SPATA13: variants seen among roughly 807,000 people sequenced by gnomAD.
The protein encoded by SPATA13 is spermatogenesis associated 13, also known as spermatogenesis-associated protein 13.
Under a neutral mutation model 104.0 loss-of-function variants are expected in SPATA13, and 50 were observed. The ratio of observed to expected loss-of-function variants is 0.48; its 90% CI spans 0.38 to 0.61. The LOEUF is 0.61. SPATA13 is among the 20% of genes least tolerant of loss of function. SPATA13 has a pLI of 0.00. For synonymous variants in SPATA13, 606 were observed against 667.5 expected, an observed-to-expected ratio of 0.91 and a Z score of 1.42; for missense variants, 1,524 against 1,690.6, an observed-to-expected ratio of 0.90 and a Z score of 1.73.
At chr13:24,044,233 C>CTTT (rs67709070) in intron 3 of SPATA13, among the ~76,000 whole-genome samples, 12 of 123,002 alleles carry the variant, frequency 9.8e-5, no homozygotes, top group South Asian at 2.6e-4. Context: ...TTCTTTCTTT[C>CTTT]TTTTTTTTTT....
intron 3 of SPATA13, among the ~76,000 whole-genome samples, chr13:24,038,740 A>T (rs1566081724): frequency 6.6e-6 from 1 of 152,144 alleles, no homozygotes. Flanking sequence ...CATTTGGCCC[A>T]TGGGCTGGAG....
intron 3 of SPATA13, among the ~76,000 whole-genome samples, chr13:24,071,048 G>A (rs1475288277): frequency 6.6e-6 from 1 of 152,178 alleles, no homozygotes; most frequent in Non-Finnish European, 1.5e-5. Flanking sequence ...TGTTGGTTTT[G>A]TTTCCCTGGA....
Position 24,201,118 on chromosome 13 carries a change from G to T in SPATA13, c.-111-21701G>T, listed in dbSNP as rs1375524709. ...TTTTGAATCTGGACATTGTAATGGT[G>T]TTATTTGTTCCCTTGCCTTAGTGAG... On this transcript the variant is annotated intron_variant, in intron 1 of 12. Coordinates refer to ENST00000382108, the MANE Select transcript of SPATA13 (RefSeq NM_001166271.3). 2.0e-5 allele frequency among the ~76,000 whole-genome samples: 3 copies of T among 151,128 alleles called. No individual in the cohort carries two copies. In the Admixed American group the frequency reaches 2.0e-4, roughly 10 times the overall value.
At chr13:24,032,274 T>C (rs1877510587) in intron 3 of SPATA13, among the ~76,000 whole-genome samples, 1 of 152,186 alleles carries the variant, frequency 6.6e-6, no homozygotes, top group South Asian at 2.1e-4. Context: ...GCCCATGCTG[T>C]ATTCAACACT....
intron 1 of SPATA13, among the ~76,000 whole-genome samples, chr13:24,188,215 C>T (rs1869281438): frequency 6.6e-6 from 1 of 152,036 alleles, no homozygotes; most frequent in South Asian, 2.1e-4. Context: ...GCAACATGCA[C>T]CTGTAGTCCC....
intron 3 of SPATA13, among the ~76,000 whole-genome samples, chr13:24,251,284 G>C (rs7318566): frequency 0.42 from 63,268 of 152,128 alleles, 15,598 homozygotes; most frequent in East Asian, 0.64. Flanking sequence ...GCTGAAGAAG[G>C]ATGTGAGGAT....
intron 4 of SPATA13, among the ~76,000 whole-genome samples, chr13:24,274,711 T>A (rs895347581): frequency 2.6e-5 from 4 of 152,218 alleles, no homozygotes; most frequent in Admixed American, 2.6e-4. Flanking sequence ...TCTGAGGAAG[T>A]CTGAGCCATC....
chr13:24,120,620 GTAT>G (rs1881003651), intron 3 of SPATA13, among the ~76,000 whole-genome samples: 1 of 152,164 alleles, frequency 6.6e-6, no homozygotes, highest in South Asian at 2.1e-4. Flanking sequence ...GGGGACAGTA[GTAT>G]TATCCAGTTC....
intron 2 of SPATA13, among the ~76,000 whole-genome samples, chr13:23,985,248 C>T (rs891401676): frequency 1.8e-4 from 27 of 152,220 alleles, no homozygotes; most frequent in Admixed American, 5.2e-4. Context: ...TCCCTGTATA[C>T]TCAGTGCTGA....
At chr13:24,159,932 C>T (rs907673578), upstream of SPATA13, among the ~76,000 whole-genome samples, 3 of 152,170 alleles carry the variant, frequency 2.0e-5, no homozygotes, top group African/African-American at 7.2e-5. Flanking sequence ...GAACATGGAG[C>T]ACTGGGGCAC....
chr13:24,264,456 T>G (rs2138684395), intron 4 of SPATA13, among the ~76,000 whole-genome samples: 1 of 152,156 alleles, frequency 6.6e-6, no homozygotes, highest in South Asian at 2.1e-4. Context: ...CAAGATGTAA[T>G]GAGTAGATAG....
intron 2 of SPATA13, among the ~76,000 whole-genome samples, chr13:23,998,308 T>C (rs1382536148): frequency 6.6e-6 from 1 of 152,216 alleles, no homozygotes; most frequent in Non-Finnish European, 1.5e-5. Context: ...TAGTTTTAAT[T>C]TGCATTTTCT....
intron 3 of SPATA13, chr13:24,123,367 AG>A: frequency 7.7e-7 from 1 of 1,299,002 alleles, no homozygotes; most frequent in African/African-American, 1.5e-5. Flanking sequence ...TGAATTACCC[AG>A]CAAGCCCTTG....
At chr13:24,239,552 AGGCGTGGTGGTGTGCACCTCTAGTCCC>A in intron 2 of SPATA13, among the ~76,000 whole-genome samples, 3 of 151,806 alleles carry the variant, frequency 2.0e-5, no homozygotes, top group African/African-American at 7.3e-5. Flanking sequence ...CAAATTAGCC[AGGCGTGGTGGTGTGCACCTCTAGTCCC>A]AGCTACTTGG....
intron 1 of SPATA13, among the ~76,000 whole-genome samples, chr13:24,186,211 G>A (rs568786476): frequency 6.6e-6 from 1 of 152,250 alleles, no homozygotes; most frequent in East Asian, 1.9e-4. Context: ...GGTTCACAGG[G>A]GAACCTAAAG....
intron 1 of SPATA13, among the ~76,000 whole-genome samples, chr13:24,207,268 G>T (rs997795907): frequency 6.6e-6 from 1 of 152,188 alleles, no homozygotes; most frequent in African/African-American, 2.4e-5. Context: ...TCTAATGGAT[G>T]CTGGGCTTAA....
intron 3 of SPATA13, among the ~76,000 whole-genome samples, chr13:24,101,294 A>G (rs1880250190): frequency 6.6e-6 from 1 of 152,182 alleles, no homozygotes; most frequent in South Asian, 2.1e-4. Flanking sequence ...CAGATGCACC[A>G]TGAACATTCG....
At chr13:24,059,265 C>T (rs1878695151) in intron 3 of SPATA13, among the ~76,000 whole-genome samples, 1 of 151,774 alleles carries the variant, frequency 6.6e-6, no homozygotes, top group South Asian at 2.1e-4. Context: ...CCCACTGCAT[C>T]CGGCCTGGCC....
Position 24,302,599 on chromosome 13 carries a change from C to T in SPATA13, c.3660C>T (p.Gly1220=). 6.2e-7 allele frequency: 1 copy of T among 1,602,928 alleles called. No individual in the cohort carries two copies. The highest frequency in any genetic ancestry group is 8.5e-7 in the Non-Finnish European group (1 of 1,173,216). ...CATCTCTCTCCCCTCCCGAGTCAGG[C>T]TACAACAGGTGCCCTGTGGCCCCAC... ...AQKAGHGKSK[G]YNRCPVAPPH... is the part of the protein sequence containing the mutation. Residue 1220 remains glycine (G), a splice_region_variant and synonymous_variant, in exon 13 of 13, where the codon GGC becomes GGT. Coordinates refer to ENST00000382108, the MANE Select transcript of SPATA13 (RefSeq NM_001166271.3).
Sources: allele counts gnomAD v4.1 joint callset (sites outside exome capture counted in the v4.1 genomes callset), GRCh38; gene constraint gnomAD v4.1.1; transcripts MANE v1.5; gene names NCBI Gene and HGNC (gene_info 2026-07-23, HGNC 2026-07-21).